NBEA: variants seen among roughly 807,000 people sequenced by gnomAD.
NBEA encodes lysosomal-trafficking regulator 2.
In NBEA, 44 loss-of-function variants were observed where a neutral mutation model predicts 343.4. That is an observed-to-expected ratio of 0.13 (90% CI 0.10 to 0.16). NBEA has a LOEUF of 0.16. NBEA is among the 10% of genes least tolerant of loss of function. NBEA has a pLI of 1.00. For synonymous variants in NBEA, 1,175 were observed against 1,238.7 expected (o/e 0.95, Z 1.08); for missense variants, 2,555 against 3,631.3 (o/e 0.70, Z 7.62).
At chr13:35,236,767 T>C (rs2075258624) in intron 34 of NBEA, among the ~76,000 whole-genome samples, 1 of 151,908 alleles carries the variant, frequency 6.6e-6, no homozygotes. Context: ...AAACCCTTTT[T>C]TTTTTTAAAT....
chr13:35,550,780 A>C lies in NBEA; in HGVS notation c.6704-150A>C. ...TTGAAATGTTAGCCCTAGGTTTCTC[A>C]TGGATAAAGTTATACTGAAAGCTGA... On this transcript the variant is annotated intron_variant, in intron 42 of 58. Coordinates refer to ENST00000379939, the MANE Select transcript of NBEA (RefSeq NM_001385012.1). 4.6e-6 allele frequency: 3 copies of C among 650,356 alleles called. No homozygotes were observed. In the South Asian group the frequency reaches 6.4e-5, roughly 14 times the overall value. 40.3% of individuals were successfully genotyped at this position (650,356 alleles called of 1,614,324 possible). A position where few individuals can be genotyped will look rare whatever the true frequency, so the allele number is the denominator to read the frequency against.
intron 30 of NBEA, among the ~76,000 whole-genome samples, chr13:35,193,723 C>T (rs2072372945): frequency 6.6e-6 from 1 of 151,834 alleles, no homozygotes; most frequent in African/African-American, 2.4e-5. Flanking sequence ...AAAGAATCTA[C>T]CCTGATTTTC....
At chr13:35,586,152 A>G (rs2081285072) in intron 46 of NBEA, among the ~76,000 whole-genome samples, 1 of 152,208 alleles carries the variant, frequency 6.6e-6, no homozygotes, top group Non-Finnish European at 1.5e-5. Flanking sequence ...AGCAGAGTAT[A>G]TGAAACTGCA....
chr13:35,308,593 T>TATATATGC (rs2037141533), intron 35 of NBEA, among the ~76,000 whole-genome samples: 1 of 135,264 alleles, frequency 7.4e-6, no homozygotes, highest in Admixed American at 7.9e-5. Context: ...TGTATATATG[T>TATATATGC]ATATATGTAT....
intron 1 of NBEA, among the ~76,000 whole-genome samples, chr13:34,973,897 C>G (rs2060080415): frequency 6.6e-6 from 1 of 152,138 alleles, no homozygotes; most frequent in Non-Finnish European, 1.5e-5. Flanking sequence ...GCCAGGATAC[C>G]CAGAGCCAGA....
chr13:35,305,736 A>C (rs1159738149), intron 35 of NBEA, among the ~76,000 whole-genome samples: 1 of 152,160 alleles, frequency 6.6e-6, no homozygotes, highest in Non-Finnish European at 1.5e-5. Flanking sequence ...TTCATGTTTT[A>C]AGCCCCTGAG....
intron 1 of NBEA, among the ~76,000 whole-genome samples, chr13:35,016,802 G>T (rs2061675361): frequency 6.6e-6 from 1 of 152,164 alleles, no homozygotes; most frequent in Non-Finnish European, 1.5e-5. Flanking sequence ...GTATAAGAAA[G>T]AGTCAGTCCT....
chr13:34,984,150 A>G (rs957720224), intron 1 of NBEA, among the ~76,000 whole-genome samples: 12 of 152,248 alleles, frequency 7.9e-5, no homozygotes, highest in African/African-American at 2.4e-4. Flanking sequence ...GTTTTCTTCT[A>G]GGGTTTTTAT....
At chr13:35,208,249 CA>C (rs1263440137) in intron 31 of NBEA, among the ~76,000 whole-genome samples, 1 of 151,708 alleles carries the variant, frequency 6.6e-6, no homozygotes, top group Non-Finnish European at 1.5e-5. Context: ...AATCAAAAAA[CA>C]AAAAAAGAAT....
chr13:35,440,631 G>C (rs1197540146), intron 39 of NBEA, among the ~76,000 whole-genome samples: 1 of 152,162 alleles, frequency 6.6e-6, no homozygotes, highest in African/African-American at 2.4e-5. Context: ...ATGGAACACA[G>C]GATAGTGTGG....
At chr13:34,995,112 C>T (rs2060892812) in intron 1 of NBEA, among the ~76,000 whole-genome samples, 1 of 152,070 alleles carries the variant, frequency 6.6e-6, no homozygotes, top group South Asian at 2.1e-4. Flanking sequence ...AAGGTAAAAG[C>T]CCATTTTCCA....
chr13:34,944,497 T>C (rs2059129382), intron 1 of NBEA, among the ~76,000 whole-genome samples: 1 of 152,190 alleles, frequency 6.6e-6, no homozygotes, highest in African/African-American at 2.4e-5. Flanking sequence ...AAAACACCTC[T>C]TTTTACTTTT....
At chr13:35,599,069 T>C (rs1012727497) in intron 47 of NBEA, among the ~76,000 whole-genome samples, 1 of 152,190 alleles carries the variant, frequency 6.6e-6, no homozygotes, top group African/African-American at 2.4e-5. Flanking sequence ...GTACTTGTTC[T>C]GTCTTTGAAA....
At position 35,108,180 on chromosome 13, in the gene NBEA, T is replaced by TG. The variant is rs148637594; in HGVS notation, c.1681-1109dup. 2.9e-3 allele frequency among the ~76,000 whole-genome samples: 441 copies of TG among 152,094 alleles called. 1 individual carries two copies. The highest frequency in any genetic ancestry group is 0.01 in the African/African-American group (425 of 41,516). ...GTTAGTGAAGAATAGCGAGGAAAGA[T>TG]GTGTTGTGTGATGTGTGCTTCAGGA... On this transcript the variant is annotated intron_variant, in intron 11 of 58. Coordinates refer to ENST00000379939, the MANE Select transcript of NBEA (RefSeq NM_001385012.1).
At chr13:35,424,191 A>G (rs140595725) in intron 38 of NBEA, among the ~76,000 whole-genome samples, 189 of 152,216 alleles carry the variant, frequency 1.2e-3, no homozygotes, top group South Asian at 1.9e-3. Context: ...ACATTGTTGA[A>G]TAGGAGTGGT....
At chr13:35,267,588 A>G (rs552012547) in intron 34 of NBEA, among the ~76,000 whole-genome samples, 31 of 152,012 alleles carry the variant, frequency 2.0e-4, no homozygotes, top group African/African-American at 7.2e-4. Context: ...AGAGATACAT[A>G]TTTGCAAATC....
chr13:35,082,073 CA>C (rs1468028576), intron 10 of NBEA, among the ~76,000 whole-genome samples: 2 of 152,064 alleles, frequency 1.3e-5, no homozygotes, highest in Non-Finnish European at 2.9e-5. Flanking sequence ...CCCACTTCCC[CA>C]CCCCACAACA....
intron 33 of NBEA, among the ~76,000 whole-genome samples, chr13:35,224,427 G>A (rs1038466274): frequency 3.3e-5 from 5 of 151,988 alleles, no homozygotes; most frequent in Non-Finnish European, 7.4e-5. Context: ...ATGCACCAAT[G>A]TGCACACTCC....
chr13:35,417,323 T>A (rs1255190437), intron 38 of NBEA, among the ~76,000 whole-genome samples: 4 of 151,908 alleles, frequency 2.6e-5, no homozygotes, highest in East Asian at 3.9e-4. Context: ...TTTAATTGTG[T>A]TGTTAGGGTG....
Sources: allele counts gnomAD v4.1 joint callset (sites outside exome capture counted in the v4.1 genomes callset), GRCh38; gene constraint gnomAD v4.1.1; transcripts MANE v1.5; gene names NCBI Gene and HGNC (gene_info 2026-07-23, HGNC 2026-07-21).